The following SCFD2 variants were observed in gnomAD, a reference collection of about 807,000 sequenced individuals.
The protein encoded by SCFD2 is sec1 family domain containing 2, also known as sec1 family domain-containing protein 2.
A neutral mutation model predicts 58.9 loss-of-function variants in SCFD2; 54 were observed. The ratio of observed to expected loss-of-function variants is 0.92; its 90% CI spans 0.74 to 1.15. SCFD2 has a LOEUF of 1.15. Among genes scored for constraint, SCFD2 ranks in the 50% most tolerant of loss-of-function variants. The pLI is 0.00. For synonymous variants in SCFD2, 321 were observed against 335.9 expected, an observed-to-expected ratio of 0.96 and a Z score of 0.49; for missense variants, 805 against 836.6, an observed-to-expected ratio of 0.96 and a Z score of 0.47.
intron 4 of SCFD2, among the ~76,000 whole-genome samples, chr4:53,225,928 T>G (rs148047335): frequency 2.3e-4 from 35 of 152,330 alleles, no homozygotes; most frequent in Middle Eastern, 3.4e-3. Context: ...TACCAATATT[T>G]TCCGGTAGTT....
At chr4:52,888,224 GT>G (rs1259750736) in intron 7 of SCFD2, among the ~76,000 whole-genome samples, 1 of 152,058 alleles carries the variant, frequency 6.6e-6, no homozygotes, top group Non-Finnish European at 1.5e-5. Context: ...AGTATTCCAA[GT>G]TATGTAAGTT....
chr4:53,000,023 T>G (rs1301677040), intron 5 of SCFD2, among the ~76,000 whole-genome samples: 1 of 152,222 alleles, frequency 6.6e-6, no homozygotes, highest in Non-Finnish European at 1.5e-5. Context: ...GACTGTATTT[T>G]CTTAATCTTT....
At chr4:53,091,343 C>T (rs1268387100) in intron 5 of SCFD2, among the ~76,000 whole-genome samples, 3 of 148,264 alleles carry the variant, frequency 2.0e-5, no homozygotes, top group Non-Finnish European at 3.0e-5. Context: ...CTCTCAGCAC[C>T]CAGGCAAAAG....
At chr4:52,941,607 G>A (rs1044227932) in intron 5 of SCFD2, among the ~76,000 whole-genome samples, 3 of 152,176 alleles carry the variant, frequency 2.0e-5, no homozygotes, top group Non-Finnish European at 2.9e-5. Flanking sequence ...CACTCACTCC[G>A]GTTCACTTAT....
chr4:52,919,736 A>G (rs1241613471), intron 6 of SCFD2, among the ~76,000 whole-genome samples: 1 of 152,186 alleles, frequency 6.6e-6, no homozygotes, highest in African/African-American at 2.4e-5. Context: ...GAAAAATCCA[A>G]TGTAGAAGTG....
chr4:52,995,171 C>T (rs2148797030), intron 5 of SCFD2, among the ~76,000 whole-genome samples: 1 of 152,294 alleles, frequency 6.6e-6, no homozygotes, highest in South Asian at 2.1e-4. Context: ...AAGCCCTGAG[C>T]TTCTTTTACT....
At chr4:52,979,619 A>T (rs1156495699) in intron 5 of SCFD2, among the ~76,000 whole-genome samples, 2 of 152,188 alleles carry the variant, frequency 1.3e-5, no homozygotes, top group Non-Finnish European at 2.9e-5. Context: ...GGGCTATGTT[A>T]TTAGGAACAC....
intron 2 of SCFD2, among the ~76,000 whole-genome samples, chr4:53,347,420 G>A (rs777936230): frequency 6.6e-6 from 1 of 152,206 alleles, no homozygotes; most frequent in Non-Finnish European, 1.5e-5. Flanking sequence ...CTGCTCTCGT[G>A]GAACTCCCTA....
chr4:53,211,919 T>G (rs1209315386), intron 4 of SCFD2, among the ~76,000 whole-genome samples: 5 of 152,094 alleles, frequency 3.3e-5, no homozygotes, highest in African/African-American at 1.2e-4. Flanking sequence ...CCAAAAAGTT[T>G]GAGAACCACT....
chr4:52,938,202 C>T (rs1174349886), intron 5 of SCFD2, among the ~76,000 whole-genome samples: 1 of 152,148 alleles, frequency 6.6e-6, no homozygotes, highest in Non-Finnish European at 1.5e-5. Flanking sequence ...TTCATTTACT[C>T]CTCAGAGCTG....
chr4:53,330,662 C>T (rs556543845), intron 2 of SCFD2, among the ~76,000 whole-genome samples: 5 of 152,026 alleles, frequency 3.3e-5, no homozygotes, highest in South Asian at 2.1e-4. Flanking sequence ...TAAAGACCAT[C>T]GAGACTAGGA....
chr4:53,030,145 A>G (rs973104497), intron 5 of SCFD2, among the ~76,000 whole-genome samples: 10 of 152,314 alleles, frequency 6.6e-5, no homozygotes, highest in Non-Finnish European at 1.0e-4. Context: ...AAACAACCCA[A>G]TGAAAAAATG....
chr4:53,061,604 T>C (rs1422850456), intron 5 of SCFD2, among the ~76,000 whole-genome samples: 1 of 152,136 alleles, frequency 6.6e-6, no homozygotes, highest in Non-Finnish European at 1.5e-5. Flanking sequence ...TTGAGGTCCA[T>C]GGTTCTGCCT....
chr4:53,148,515 T>A (rs1054867407), intron 4 of SCFD2, among the ~76,000 whole-genome samples: 2 of 152,198 alleles, frequency 1.3e-5, no homozygotes, highest in African/African-American at 4.8e-5. Flanking sequence ...CCAACCCCGA[T>A]TGTTCCTCTA....
At chr4:53,090,815 A>G (rs1724446566) in intron 5 of SCFD2, among the ~76,000 whole-genome samples, 1 of 152,104 alleles carries the variant, frequency 6.6e-6, no homozygotes, top group Non-Finnish European at 1.5e-5. Context: ...TCAGAGCTTC[A>G]TATATATTCT....
At chr4:53,297,463 GTTTT>G (rs534174943) in intron 3 of SCFD2, among the ~76,000 whole-genome samples, 41 of 146,104 alleles carry the variant, frequency 2.8e-4, no homozygotes, top group Admixed American at 6.8e-4. Flanking sequence ...GCAACCCTTG[GTTTT>G]TTTTTTGTTT....
chr4:53,221,520 G>A (rs145439897), intron 4 of SCFD2, among the ~76,000 whole-genome samples: 90 of 152,142 alleles, frequency 5.9e-4, no homozygotes, highest in African/African-American at 2.1e-3. Flanking sequence ...ACAATACTAC[G>A]ACAGTTTGGA....
intron 3 of SCFD2, among the ~76,000 whole-genome samples, chr4:53,279,815 T>G (rs1283564270): frequency 6.6e-6 from 1 of 152,004 alleles, no homozygotes; most frequent in African/African-American, 2.4e-5. Flanking sequence ...CTTCACAAGG[T>G]GGGAGGAGAG....
intron 3 of SCFD2, among the ~76,000 whole-genome samples, chr4:53,304,341 T>C (rs1732443023): frequency 6.6e-6 from 1 of 152,076 alleles, no homozygotes; most frequent in Non-Finnish European, 1.5e-5. Flanking sequence ...CTTCGTGGTG[T>C]TCTCTGTATT....
Sources: gnomAD v4.1 joint callset for allele counts (sites outside exome capture counted in the v4.1 genomes callset) on GRCh38, gnomAD v4.1.1 for gene constraint, MANE v1.5 for transcripts, NCBI Gene and HGNC (gene_info 2026-07-23, HGNC 2026-07-21) for gene names.